The following KCND2 variants were observed in gnomAD, a reference collection of about 807,000 sequenced individuals.
The protein encoded by KCND2 is A-type voltage-gated potassium channel KCND2.
KCND2 carries 16 observed loss-of-function variants against 54.4 expected under a neutral mutation model. The observed-to-expected ratio is 0.29, with a 90% CI of 0.20 to 0.45. The LOEUF is 0.45. Among genes scored for constraint, KCND2 ranks in the 20% least tolerant of loss-of-function variants. The pLI is 1.00. For synonymous variants in KCND2, 317 were observed against 310.7 expected (o/e 1.02, Z -0.21); for missense variants, 486 against 824.2 (o/e 0.59, Z 5.02).
At chr7:120,695,077 G>A (rs1328688427) in intron 1 of KCND2, among the ~76,000 whole-genome samples, 1 of 152,010 alleles carries the variant, frequency 6.6e-6, no homozygotes, top group Non-Finnish European at 1.5e-5. Context: ...AATTCCTTAG[G>A]GGTATAGTTC....
chr7:120,743,291 C>T (rs1792964429), intron 4 of KCND2, among the ~76,000 whole-genome samples: 1 of 152,132 alleles, frequency 6.6e-6, no homozygotes, highest in Admixed American at 6.6e-5. Flanking sequence ...CATGTCAGCT[C>T]ACTCACTCTC....
At chr7:120,637,808 G>A (rs769031325) in intron 1 of KCND2, among the ~76,000 whole-genome samples, 5 of 152,054 alleles carry the variant, frequency 3.3e-5, no homozygotes, top group African/African-American at 4.8e-5. Flanking sequence ...TGGCAAGTAC[G>A]ATAAACATCA....
chr7:120,388,905 T>C (rs1465981573), intron 1 of KCND2, among the ~76,000 whole-genome samples: 11 of 150,156 alleles, frequency 7.3e-5, no homozygotes, highest in African/African-American at 1.9e-4. Flanking sequence ...TATATATATA[T>C]ACACACACAT....
At chr7:120,735,154 A>G (rs1318927752) in intron 2 of KCND2, among the ~76,000 whole-genome samples, 3 of 152,064 alleles carry the variant, frequency 2.0e-5, no homozygotes, top group Non-Finnish European at 2.9e-5. Flanking sequence ...TCCAGTCAAC[A>G]TGGATATAGA....
At chr7:120,460,742 C>T (rs1327908289) in intron 1 of KCND2, among the ~76,000 whole-genome samples, 2 of 152,050 alleles carry the variant, frequency 1.3e-5, no homozygotes, top group Non-Finnish European at 2.9e-5. Context: ...TAAAGAGAAA[C>T]TAGAGGCAGT....
At chr7:120,327,660 C>G (rs1015587023) in intron 1 of KCND2, among the ~76,000 whole-genome samples, 3 of 151,970 alleles carry the variant, frequency 2.0e-5, no homozygotes, top group Non-Finnish European at 4.4e-5. Context: ...AACTCTGTTT[C>G]ATCAGGAAGG....
intron 1 of KCND2, among the ~76,000 whole-genome samples, chr7:120,652,105 C>G (rs932457089): frequency 1.3e-5 from 2 of 148,854 alleles, no homozygotes; most frequent in Non-Finnish European, 3.0e-5. Context: ...GAGATGGAGT[C>G]TTGCTCTGTT....
At chr7:120,327,108 ATTAC>A (rs1799989278) in intron 1 of KCND2, among the ~76,000 whole-genome samples, 1 of 152,108 alleles carries the variant, frequency 6.6e-6, no homozygotes, top group Non-Finnish European at 1.5e-5. Flanking sequence ...AGCTTACTAT[ATTAC>A]TTAACTTTAG....
intron 1 of KCND2, among the ~76,000 whole-genome samples, chr7:120,583,341 T>C (rs1320079685): frequency 6.6e-6 from 1 of 152,196 alleles, no homozygotes; most frequent in Non-Finnish European, 1.5e-5. Context: ...CCTAATGAAT[T>C]TTATAATGTG....
intron 1 of KCND2, among the ~76,000 whole-genome samples, chr7:120,592,956 C>T (rs1336974847): frequency 6.6e-6 from 1 of 152,070 alleles, no homozygotes; most frequent in Non-Finnish European, 1.5e-5. Context: ...TCTTCATGCT[C>T]ATATTTTATA....
chr7:120,590,003 T>G (rs1562881331), intron 1 of KCND2, among the ~76,000 whole-genome samples: 1 of 152,104 alleles, frequency 6.6e-6, no homozygotes, highest in African/African-American at 2.4e-5. Context: ...GTTATTTCCT[T>G]TTTTTGTTTT....
rs182009427 is a variant in KCND2, at chr7:120,578,796, C to T, written c.1116-154107C>T. Among the ~76,000 whole-genome samples, 16 of 152,098 alleles carry T rather than the reference C, an allele frequency of 1.1e-4. No individual in the cohort carries two copies. In the East Asian group the frequency reaches 2.9e-3, roughly 28 times the overall value. Reference sequence around the variant, plus strand: ...AGGAGAATCACTTGAATCCAAGAGGCAGAGGTTGCAGTGAGTGAAGATTGC... The same window carrying T: ...AGGAGAATCACTTGAATCCAAGAGGTAGAGGTTGCAGTGAGTGAAGATTGC... On this transcript the variant is annotated intron_variant, in intron 1 of 5. Transcript: ENST00000331113.
At chr7:120,724,740 C>T (rs1792712003) in intron 1 of KCND2, among the ~76,000 whole-genome samples, 3 of 152,122 alleles carry the variant, frequency 2.0e-5, no homozygotes, top group African/African-American at 4.8e-5. Flanking sequence ...AAAATATTTC[C>T]GGTGGCTCCA....
At chr7:120,436,684 C>T (rs1801870768) in intron 1 of KCND2, among the ~76,000 whole-genome samples, 1 of 152,180 alleles carries the variant, frequency 6.6e-6, no homozygotes, top group South Asian at 2.1e-4. Context: ...CCTGCTGGCA[C>T]CCACTGAGAC....
At chr7:120,374,046 A>T (rs1406585988) in intron 1 of KCND2, among the ~76,000 whole-genome samples, 10 of 151,804 alleles carry the variant, frequency 6.6e-5, no homozygotes, top group Admixed American at 5.9e-4. Context: ...TTGCTTTCAT[A>T]ATTACCATAT....
chr7:120,407,365 T>G (rs1042253160), intron 1 of KCND2, among the ~76,000 whole-genome samples: 2 of 151,978 alleles, frequency 1.3e-5, no homozygotes, highest in African/African-American at 4.8e-5. Flanking sequence ...TTGAAAGAGC[T>G]CATAGTGTAG....
Position 120,733,848 on chromosome 7 carries a change from A to G in KCND2, c.1278+783A>G, listed in dbSNP as rs529879283. 1.2e-4 allele frequency among the ~76,000 whole-genome samples: 18 copies of G among 152,292 alleles called. No homozygotes were observed. The South Asian group carries it at 3.7e-3, about 32-fold the overall frequency. ...AATAATAAATAATAAGATTAAGATTATATACAAGTATATGTAAATTTATAT... is the reference window on the plus strand; with the variant it reads ...AATAATAAATAATAAGATTAAGATTGTATACAAGTATATGTAAATTTATAT... On this transcript the variant is annotated intron_variant, in intron 2 of 5. Transcript: ENST00000331113.
intron 1 of KCND2, among the ~76,000 whole-genome samples, chr7:120,309,026 C>T (rs1799689002): frequency 6.6e-6 from 1 of 152,092 alleles, no homozygotes; most frequent in Non-Finnish European, 1.5e-5. Context: ...AATATATGGG[C>T]AGTGGCAAAT....
intron 1 of KCND2, among the ~76,000 whole-genome samples, chr7:120,279,021 C>T (rs1462310376): frequency 6.6e-6 from 1 of 151,732 alleles, no homozygotes; most frequent in African/African-American, 2.4e-5. Flanking sequence ...CCATTAACTG[C>T]CTTATTAGAA....
Sources: gnomAD v4.1 joint callset for allele counts (sites outside exome capture counted in the v4.1 genomes callset) on GRCh38, gnomAD v4.1.1 for gene constraint, MANE v1.5 for transcripts, NCBI Gene and HGNC (gene_info 2026-07-23, HGNC 2026-07-21) for gene names.